The following GPC3 variants were observed in gnomAD, a reference collection of about 807,000 sequenced individuals.
GPC3 encodes the protein glypican-3.
In GPC3, 3 loss-of-function variants were observed where a neutral mutation model predicts 34.4. That is an observed-to-expected ratio of 0.09 (90% CI 0.04 to 0.23). GPC3 has a LOEUF of 0.23. Ranked by LOEUF, GPC3 falls within the 10% of genes least tolerant of loss-of-function variation. GPC3 has a pLI of 1.00. For synonymous variants in GPC3, 177 were observed against 174.0 expected (o/e 1.02, Z -0.13); for missense variants, 351 against 445.6 (o/e 0.79, Z 1.91).
chrX:133,943,413 A>G (rs1307495321), intron 2 of GPC3, among the ~76,000 whole-genome samples: 1 of 112,741 alleles, frequency 8.9e-6, no homozygotes, highest in Non-Finnish European at 1.9e-5. Context: ...ATGCACTAGC[A>G]ACAATATTGA....
At chrX:133,789,173 G>A (rs2072137137) in intron 2 of GPC3, among the ~76,000 whole-genome samples, 2 of 111,335 alleles carry the variant, frequency 1.8e-5, no homozygotes, top group Admixed American at 9.6e-5. Flanking sequence ...ATTCATTTGA[G>A]GTATTAAATA....
At chrX:133,709,563 C>T (rs961938148) in intron 3 of GPC3, among the ~76,000 whole-genome samples, 2 of 111,487 alleles carry the variant, frequency 1.8e-5, no homozygotes, top group African/African-American at 3.3e-5. Context: ...TAGTAGCAAC[C>T]GTGCCCATTT....
At chrX:133,952,654 G>T (rs1413962494) in intron 2 of GPC3, among the ~76,000 whole-genome samples, 2 of 112,423 alleles carry the variant, frequency 1.8e-5, no homozygotes, top group Non-Finnish European at 3.8e-5. Flanking sequence ...AATGGAAATG[G>T]TCCTAGTGGT....
intron 6 of GPC3, among the ~76,000 whole-genome samples, chrX:133,617,579 G>A (rs1315635087): frequency 8.9e-6 from 1 of 112,076 alleles, no homozygotes; most frequent in Non-Finnish European, 1.9e-5. Flanking sequence ...AAAAGAGTTT[G>A]AGCTATTATC....
intron 3 of GPC3, 112 bp from the exon 4 acceptor site, chrX:133,700,140 G>A: frequency 1.8e-6 from 1 of 565,873 alleles, no homozygotes; most frequent in Admixed American, 2.7e-5. Flanking sequence ...GCAGAACAAA[G>A]CTATGACTAG....
chrX:133,654,420 A>T (rs1035833509), intron 6 of GPC3, among the ~76,000 whole-genome samples: 2 of 111,237 alleles, frequency 1.8e-5, no homozygotes, highest in Non-Finnish European at 3.8e-5. Flanking sequence ...ACTGTTTATT[A>T]AAAAATATCA....
intron 2 of GPC3, among the ~76,000 whole-genome samples, chrX:133,872,552 C>T (rs932969006): frequency 2.7e-5 from 3 of 111,442 alleles, no homozygotes; most frequent in African/African-American, 9.8e-5. Context: ...TTTTCTCACC[C>T]CCATATTGCT....
chrX:133,813,723 C>T (rs949898068), intron 2 of GPC3, among the ~76,000 whole-genome samples: 7 of 112,273 alleles, frequency 6.2e-5, no homozygotes, highest in African/African-American at 2.3e-4. Flanking sequence ...GCACGGAGCA[C>T]CCATCAGCAG....
At chrX:133,625,448 G>C (rs1189671017) in intron 6 of GPC3, among the ~76,000 whole-genome samples, 37 of 112,279 alleles carry the variant, frequency 3.3e-4, no homozygotes, top group Middle Eastern at 4.6e-3. Context: ...TCCTTAAGCT[G>C]ATAAGCAACT....
chrX:133,557,497 A>G (rs1318741279), intron 7 of GPC3, among the ~76,000 whole-genome samples: 2 of 110,597 alleles, frequency 1.8e-5, no homozygotes, highest in East Asian at 5.7e-4. Context: ...ACACAAAACA[A>G]AACAAACCCC....
intron 2 of GPC3, among the ~76,000 whole-genome samples, chrX:133,949,557 C>T (rs1021556273): frequency 1.4e-4 from 15 of 110,790 alleles, no homozygotes; most frequent in Non-Finnish European, 1.5e-4. Context: ...GTGGAATAGG[C>T]AACTTCCAGA....
intron 3 of GPC3, among the ~76,000 whole-genome samples, chrX:133,717,785 C>A (rs2071329633): frequency 9.0e-6 from 1 of 110,605 alleles, no homozygotes; most frequent in African/African-American, 3.3e-5. Context: ...ATGATATATT[C>A]AAAGCACTGA....
intron 6 of GPC3, among the ~76,000 whole-genome samples, chrX:133,606,448 G>T (rs1203189306): frequency 9.0e-6 from 1 of 111,664 alleles, no homozygotes; most frequent in Non-Finnish European, 1.9e-5. Flanking sequence ...TTGAAACAGG[G>T]TCTTGCTCTG....
At chrX:133,808,147 G>A (rs1408480729) in intron 2 of GPC3, among the ~76,000 whole-genome samples, 2 of 112,430 alleles carry the variant, frequency 1.8e-5, no homozygotes, top group Non-Finnish European at 3.8e-5. Context: ...ACACTATTAC[G>A]AAGCAATCAT....
chrX:133,818,288 C>A lies in GPC3; in HGVS notation c.338-64112G>T, dbSNP rs1279770606. Among the ~76,000 whole-genome samples the A allele has an allele frequency of 2.2e-4, 25 of 111,719 alleles. No individual in the cohort carries two copies. In the Admixed American group the frequency reaches 2.4e-3, roughly 11 times the overall value. The stretch of plus-strand genomic sequence containing the variant: ...AGACAGATCAAATTTGCCCGATATC[C>A]CTTTCAATTACTGAAGAACATGCAC... On this transcript the variant is annotated intron_variant, in intron 2 of 7. Transcript: ENST00000370818.
At chrX:133,833,652 G>A (rs1013334997) in intron 2 of GPC3, among the ~76,000 whole-genome samples, 6 of 111,749 alleles carry the variant, frequency 5.4e-5, no homozygotes, top group African/African-American at 1.3e-4. Flanking sequence ...AGTTTGTAAC[G>A]CATATAACAA....
intron 5 of GPC3, among the ~76,000 whole-genome samples, chrX:133,689,577 C>T (rs1294141864): frequency 1.8e-5 from 2 of 111,586 alleles, no homozygotes; most frequent in East Asian, 2.8e-4. Context: ...AAAACTGGAT[C>T]GATCTGATTT....
chrX:133,682,438 C>G (rs2070953958), intron 5 of GPC3, among the ~76,000 whole-genome samples: 2 of 111,310 alleles, frequency 1.8e-5, no homozygotes, highest in Admixed American at 9.5e-5. Flanking sequence ...GAAACATGGC[C>G]CACACCTCTT....
chrX:133,689,254 C>A (rs991818168), intron 5 of GPC3, among the ~76,000 whole-genome samples: 24 of 111,252 alleles, frequency 2.2e-4, no homozygotes, highest in African/African-American at 7.8e-4. Flanking sequence ...ATTAGCTTTT[C>A]TCCATACTAC....
Sources: gnomAD v4.1 joint callset for allele counts (sites outside exome capture counted in the v4.1 genomes callset) on GRCh38, gnomAD v4.1.1 for gene constraint, MANE v1.5 for transcripts, NCBI Gene and HGNC (gene_info 2026-07-23, HGNC 2026-07-21) for gene names.